The following LARGE1 variants were observed in gnomAD, a reference collection of about 807,000 sequenced individuals.
LARGE1 encodes the protein LARGE xylosyl- and glucuronyltransferase 1.
In LARGE1, 43 loss-of-function variants were observed where a neutral mutation model predicts 87.6. The ratio of observed to expected loss-of-function variants is 0.49; its 90% confidence interval spans 0.38 to 0.63. The LOEUF is 0.63. LARGE1 is among the 30% of genes least tolerant of loss of function. The pLI, the probability that LARGE1 is intolerant of heterozygous loss-of-function variation, is 0.00. For missense variants in LARGE1, 802 were observed against 1,000.2 expected, an observed-to-expected ratio of 0.80 and a Z score of 2.67; for synonymous variants, 434 against 394.6, an observed-to-expected ratio of 1.10 and a Z score of -1.18.
chr22:33,074,216 T>C, the LARGE1 span, among the ~76,000 whole-genome samples: 3 of 152,120 alleles, frequency 2.0e-5, no homozygotes, highest in Non-Finnish European at 2.9e-5. Flanking sequence ...CCTACTCCTT[T>C]ACCGGGACCG....
At chr22:33,377,976 A>T (rs1431119547) in intron 9 of LARGE1, among the ~76,000 whole-genome samples, 1 of 152,102 alleles carries the variant, frequency 6.6e-6, no homozygotes, top group African/African-American at 2.4e-5. Flanking sequence ...TTATTTCTAC[A>T]TGTAATAAAA....
intron 6 of LARGE1, among the ~76,000 whole-genome samples, chr22:33,514,046 C>T (rs2071180050): frequency 6.6e-6 from 1 of 152,126 alleles, no homozygotes; most frequent in East Asian, 1.9e-4. Context: ...ACAGGCTATA[C>T]CATATAGCCT....
chr22:33,497,532 A>AGT (rs1442548391), intron 6 of LARGE1, among the ~76,000 whole-genome samples: 3 of 152,224 alleles, frequency 2.0e-5, no homozygotes, highest in Non-Finnish European at 1.5e-5. Context: ...AGTGTCTAAA[A>AGT]AGAGTCTTGT....
chr22:33,257,406 C>T (rs2145734920), intron 11 of LARGE1, among the ~76,000 whole-genome samples: 1 of 150,038 alleles, frequency 6.7e-6, no homozygotes, highest in South Asian at 2.1e-4. Context: ...CACCTGTAGT[C>T]CTAGCTACTT....
At chr22:33,800,179 T>A (rs181677183) in intron 1 of LARGE1, among the ~76,000 whole-genome samples, 1 of 152,316 alleles carries the variant, frequency 6.6e-6, no homozygotes, top group East Asian at 1.9e-4. Context: ...AAGCTCTGAC[T>A]GCTAAATACC....
At chr22:33,536,226 G>GAGAACAGAACGAA (rs1469259199) in intron 6 of LARGE1, among the ~76,000 whole-genome samples, 4 of 152,308 alleles carry the variant, frequency 2.6e-5, no homozygotes, top group Admixed American at 1.3e-4. Flanking sequence ...CTCTTGCTCT[G>GAGAACAGAACGAA]AGAACAGAAC....
chr22:33,899,183 T>C (rs575765874), intron 1 of LARGE1, among the ~76,000 whole-genome samples: 3 of 152,260 alleles, frequency 2.0e-5, no homozygotes, highest in Non-Finnish European at 4.4e-5. Context: ...TATAACAAAA[T>C]TGATCCCAGA....
At chr22:33,727,182 T>G (rs1281165191) in intron 2 of LARGE1, among the ~76,000 whole-genome samples, 1 of 152,176 alleles carries the variant, frequency 6.6e-6, no homozygotes, top group Non-Finnish European at 1.5e-5. Flanking sequence ...TTCTATTTCT[T>G]ATGACAATAT....
In LARGE1 at chr22:33,766,386, T is replaced by A. The variant is rs142852465; in HGVS notation, c.-82-4828A>T. ...CTGTCTTAACCAATGAAATTTACAT[T>A]TATGAAGAACATTGTATGAACCCAA... is the stretch of plus-strand genomic sequence containing the variant. On this transcript the variant is annotated intron_variant, in intron 1 of 14. Transcript: ENST00000397394. Among the ~76,000 whole-genome samples the A allele has an allele frequency of 3.2e-3, 482 of 152,268 alleles. 2 individuals carry two copies. The highest frequency in any genetic ancestry group is 0.016 in the South Asian group (79 of 4,818).
chr22:33,701,259 G>A (rs192384097), intron 2 of LARGE1, among the ~76,000 whole-genome samples: 4 of 152,208 alleles, frequency 2.6e-5, no homozygotes, highest in East Asian at 1.9e-4. Flanking sequence ...TCAGAAGAAC[G>A]GCAACAGATG....
chr22:33,750,380 T>C (rs1217238751), intron 2 of LARGE1, among the ~76,000 whole-genome samples: 2 of 152,154 alleles, frequency 1.3e-5, no homozygotes, highest in African/African-American at 4.8e-5. Flanking sequence ...AATCTCCCAA[T>C]ATTTAACCAT....
intron 6 of LARGE1, among the ~76,000 whole-genome samples, chr22:33,483,766 C>T (rs375874696): frequency 3.9e-5 from 6 of 152,246 alleles, no homozygotes; most frequent in African/African-American, 1.4e-4. Context: ...GGAAAGTGGG[C>T]CACTGGCTTG....
At chr22:33,393,290 AAT>A (rs1377006493) in intron 7 of LARGE1, among the ~76,000 whole-genome samples, 2 of 152,244 alleles carry the variant, frequency 1.3e-5, no homozygotes, top group African/African-American at 4.8e-5. Context: ...GGGCTGCGGA[AAT>A]ATCCTAATTA....
In LARGE1 at chr22:33,901,066, G is replaced by T. The variant is rs147278976; in HGVS notation, c.-83+18929C>A. On this transcript the variant is annotated intron_variant, in intron 1 of 14. Coordinates refer to ENST00000397394, the MANE Select transcript of LARGE1 (RefSeq NM_133642.5). ...CTGTCTCAGAAAAAAAGGGAGGGGG[G>T]GTTGTTTGCACACAGAGACATGTAC... Among the ~76,000 whole-genome samples, 555 of 152,220 alleles carry T rather than the reference G, an allele frequency of 3.6e-3. 6 individuals carry two copies. Among genetic ancestry groups the T allele is most frequent in the African/African-American group, 0.012 (513 of 41,530 alleles).
chr22:33,560,297 G>A (rs1247412143), intron 6 of LARGE1, among the ~76,000 whole-genome samples: 1 of 152,162 alleles, frequency 6.6e-6, no homozygotes, highest in African/African-American at 2.4e-5. Flanking sequence ...CATGTTAGTT[G>A]TAAGGAACAA....
At chr22:33,337,508 GGT>G in intron 10 of LARGE1, 136 bp downstream of exon 10, 1 of 956,458 alleles carries the variant, frequency 1.0e-6, no homozygotes, top group Non-Finnish European at 1.6e-6. Flanking sequence ...CCGACTAGAT[GGT>G]GGACCCTGGG....
At chr22:33,382,350 C>T (rs1435163359) in intron 8 of LARGE1, among the ~76,000 whole-genome samples, 1 of 152,160 alleles carries the variant, frequency 6.6e-6, no homozygotes, top group African/African-American at 2.4e-5. Context: ...CCCTCACTGG[C>T]ATATGAAAAA....
intron 7 of LARGE1, among the ~76,000 whole-genome samples, chr22:33,403,810 G>A (rs1372406847): frequency 1.3e-5 from 2 of 152,112 alleles, no homozygotes; most frequent in African/African-American, 4.8e-5. Context: ...TGTCATGTTG[G>A]CCAGGCTTGT....
At chr22:33,726,997 A>G (rs1335770373) in intron 2 of LARGE1, among the ~76,000 whole-genome samples, 1 of 152,176 alleles carries the variant, frequency 6.6e-6, no homozygotes, top group African/African-American at 2.4e-5. Flanking sequence ...ATGAGATGTG[A>G]GTAGATTTGG....
Sources: allele counts gnomAD v4.1 joint callset (sites outside exome capture counted in the v4.1 genomes callset), GRCh38; gene constraint gnomAD v4.1.1; transcripts MANE v1.5; gene names NCBI Gene and HGNC (gene_info 2026-07-23, HGNC 2026-07-21).